Variants in LRFN2 observed in about 807,000 individuals in gnomAD.
LRFN2 encodes leucine rich repeat and fibronectin type III domain containing 2.
Under a neutral mutation model 37.3 loss-of-function variants are expected in LRFN2, and 18 were observed. The ratio of observed to expected loss-of-function variants is 0.48; its 90% CI spans 0.33 to 0.72. The LOEUF (loss-of-function observed/expected upper bound fraction) is 0.72, where lower values mean the gene tolerates loss of function less well. Among genes scored for constraint, LRFN2 ranks in the 30% least tolerant of loss-of-function variants. The pLI is 0.02. For synonymous variants in LRFN2, 556 were observed against 466.6 expected, an observed-to-expected ratio of 1.19 and a Z score of -2.47; for missense variants, 1,006 against 1,060.7, an observed-to-expected ratio of 0.95 and a Z score of 0.72.
chr6:40,441,872 G>A (rs750579417), intron 1 of LRFN2, among the ~76,000 whole-genome samples: 1 of 152,140 alleles, frequency 6.6e-6, no homozygotes, highest in Non-Finnish European at 1.5e-5. Flanking sequence ...CTCAAGCAAG[G>A]CTCCAACCCT....
chr6:40,419,625 GA>G (rs1324132985), intron 2 of LRFN2, among the ~76,000 whole-genome samples: 1 of 152,172 alleles, frequency 6.6e-6, no homozygotes. Flanking sequence ...AGCAGCTGAT[GA>G]ATACACCAGG....
intron 1 of LRFN2, among the ~76,000 whole-genome samples, chr6:40,534,866 G>A (rs1289434359): frequency 1.3e-5 from 2 of 152,076 alleles, no homozygotes; most frequent in Admixed American, 6.6e-5. Flanking sequence ...GGTGCCCCGC[G>A]CCCATCTTAG....
At chr6:40,574,485 C>T (rs188861822) in intron 1 of LRFN2, among the ~76,000 whole-genome samples, 127 of 151,754 alleles carry the variant, frequency 8.4e-4, no homozygotes, top group African/African-American at 2.9e-3. Context: ...ACATCAGCCT[C>T]GGAGTTATGC....
chr6:40,426,615 G>A (rs1763358586), intron 2 of LRFN2, among the ~76,000 whole-genome samples: 1 of 152,196 alleles, frequency 6.6e-6, no homozygotes, highest in Admixed American at 6.5e-5. Flanking sequence ...TTTGTAACGG[G>A]CCAATGCCTA....
intron 1 of LRFN2, among the ~76,000 whole-genome samples, chr6:40,530,348 C>G (rs1211864407): frequency 6.6e-6 from 1 of 152,162 alleles, no homozygotes; most frequent in Non-Finnish European, 1.5e-5. Context: ...CAGAAATGAA[C>G]AAGGGCCCAA....
chr6:40,427,494 C>T (rs1034762618), intron 2 of LRFN2, among the ~76,000 whole-genome samples: 1 of 152,192 alleles, frequency 6.6e-6, no homozygotes, highest in East Asian at 1.9e-4. Flanking sequence ...TGCAAGGGGG[C>T]ATGTCCCTGA....
intron 1 of LRFN2, among the ~76,000 whole-genome samples, chr6:40,583,585 G>A (rs1353812985): frequency 6.6e-6 from 1 of 152,174 alleles, no homozygotes; most frequent in East Asian, 1.9e-4. Flanking sequence ...ATAGCTGTGA[G>A]TGCTAAAGGG....
At chr6:40,537,165 C>T (rs185779680) in intron 1 of LRFN2, among the ~76,000 whole-genome samples, 4 of 152,282 alleles carry the variant, frequency 2.6e-5, no homozygotes, top group Non-Finnish European at 4.4e-5. Flanking sequence ...CCTAAAAGGA[C>T]TGTGATTGCC....
intron 2 of LRFN2, among the ~76,000 whole-genome samples, chr6:40,410,005 A>T (rs1762931300): frequency 6.6e-6 from 1 of 152,176 alleles, no homozygotes. Flanking sequence ...CTCTGTCTCT[A>T]ACAAGCAGTC....
At chr6:40,486,580 C>T (rs889545964) in intron 1 of LRFN2, among the ~76,000 whole-genome samples, 3 of 152,126 alleles carry the variant, frequency 2.0e-5, no homozygotes, top group Non-Finnish European at 4.4e-5. Context: ...CTGGGCACTT[C>T]TCTGGGTGGA....
At chr6:40,426,671 C>T (rs1032399436) in intron 2 of LRFN2, among the ~76,000 whole-genome samples, 4 of 152,164 alleles carry the variant, frequency 2.6e-5, no homozygotes, top group African/African-American at 9.7e-5. Context: ...ATGTCTTTTC[C>T]TCTTTTCCAC....
chr6:40,467,005 T>C (rs1289645665), intron 1 of LRFN2, among the ~76,000 whole-genome samples: 1 of 152,016 alleles, frequency 6.6e-6, no homozygotes, highest in Non-Finnish European at 1.5e-5. Context: ...ACAAGTCAAG[T>C]AGAGAGGCCT....
chr6:40,488,135 A>AT (rs1315357499), intron 1 of LRFN2, among the ~76,000 whole-genome samples: 1 of 152,224 alleles, frequency 6.6e-6, no homozygotes, highest in Admixed American at 6.5e-5. Context: ...AGAAAGTAGA[A>AT]TAAATAGGCT....
chr6:40,496,239 TCA>T (rs1264951821), intron 1 of LRFN2, among the ~76,000 whole-genome samples: 2 of 152,164 alleles, frequency 1.3e-5, no homozygotes, highest in Admixed American at 1.3e-4. Flanking sequence ...CCATCCTCTC[TCA>T]CTTGGACCAC....
At chr6:40,415,162 G>T (rs1018581144) in intron 2 of LRFN2, among the ~76,000 whole-genome samples, 1 of 152,090 alleles carries the variant, frequency 6.6e-6, no homozygotes, top group African/African-American at 2.4e-5. Context: ...GTCTTTCCCC[G>T]CAATGCCTCC....
At position 40,482,807 on chromosome 6, in the gene LRFN2, A is replaced by G. The variant is rs148814707; in HGVS notation, c.-18-49676T>C. ...CTTTCTTTGGGATGGCTCAGGCTGG[A>G]GTGGAGGAGGACTTCAGAGGAACTC... is the stretch of plus-strand genomic sequence containing the variant. On this transcript the variant is annotated intron_variant, in intron 1 of 2. Coordinates refer to ENST00000338305, the MANE Select transcript of LRFN2 (RefSeq NM_020737.3). Among the ~76,000 whole-genome samples the G allele has an allele frequency of 2.4e-3, 359 of 152,256 alleles. 2 individuals carry two copies. Among genetic ancestry groups the G allele is most frequent in the African/African-American group, 7.7e-3 (318 of 41,562 alleles).
At chr6:40,466,615 A>G (rs917460733) in intron 1 of LRFN2, among the ~76,000 whole-genome samples, 2 of 152,124 alleles carry the variant, frequency 1.3e-5, no homozygotes, top group Admixed American at 6.5e-5. Context: ...CCTGGGCTGG[A>G]CCTAGCATGA....
At chr6:40,494,750 C>G (rs1208252689) in intron 1 of LRFN2, among the ~76,000 whole-genome samples, 2 of 152,158 alleles carry the variant, frequency 1.3e-5, no homozygotes, top group African/African-American at 4.8e-5. Context: ...CAAGCAGCCC[C>G]ATGATTGTCA....
chr6:40,545,020 G>T (rs1286321946), intron 1 of LRFN2, among the ~76,000 whole-genome samples: 1 of 152,146 alleles, frequency 6.6e-6, no homozygotes, highest in Non-Finnish European at 1.5e-5. Flanking sequence ...ATTTACTAGT[G>T]GCTGACCCAG....
Sources: gnomAD v4.1 joint callset for allele counts (sites outside exome capture counted in the v4.1 genomes callset) on GRCh38, gnomAD v4.1.1 for gene constraint, MANE v1.5 for transcripts, NCBI Gene and HGNC (gene_info 2026-07-23, HGNC 2026-07-21) for gene names.